The following ANKS1B variants were observed in gnomAD, a reference collection of about 807,000 sequenced individuals.
The protein encoded by ANKS1B is ankyrin repeat and sterile alpha motif domain-containing protein 1B.
In ANKS1B, 36 loss-of-function variants were observed where a neutral mutation model predicts 148.3. That is an observed-to-expected ratio of 0.24 (90% CI 0.19 to 0.32). The LOEUF is 0.32. Among genes scored for constraint, ANKS1B ranks in the 10% least tolerant of loss-of-function variants. The pLI is 1.00. For synonymous variants in ANKS1B, 542 were observed against 560.8 expected (o/e 0.97, Z 0.47); for missense variants, 1,157 against 1,542.6 (o/e 0.75, Z 4.19).
intron 14 of ANKS1B, among the ~76,000 whole-genome samples, chr12:99,175,985 T>G (rs1218756625): frequency 1.3e-5 from 2 of 152,194 alleles, no homozygotes; most frequent in African/African-American, 4.8e-5. Context: ...TAGCTGGGAT[T>G]ACAGGTGCCC....
chr12:99,843,773 G>A (rs1475336440), intron 1 of ANKS1B, among the ~76,000 whole-genome samples: 1 of 152,086 alleles, frequency 6.6e-6, no homozygotes, highest in Non-Finnish European at 1.5e-5. Context: ...TATATACCCA[G>A]TAATAGGATT....
chr12:99,983,349 T>G (rs935165818), intron 1 of ANKS1B, among the ~76,000 whole-genome samples: 3 of 152,000 alleles, frequency 2.0e-5, no homozygotes, highest in Non-Finnish European at 4.4e-5. Flanking sequence ...ACCTTGACAT[T>G]TTTTTTAAAT....
chr12:99,971,520 T>C (rs527866769), intron 1 of ANKS1B, among the ~76,000 whole-genome samples: 1 of 152,220 alleles, frequency 6.6e-6, no homozygotes, highest in Non-Finnish European at 1.5e-5. Flanking sequence ...TTTAGTATAT[T>C]TGTGTAATAC....
chr12:99,231,297 C>A (rs183699424), intron 14 of ANKS1B, among the ~76,000 whole-genome samples: 193 of 152,154 alleles, frequency 1.3e-3, no homozygotes, highest in African/African-American at 4.6e-3. Flanking sequence ...ACTTACACCC[C>A]CTCAGATGGC....
chr12:99,748,455 A>G (rs911540713), intron 8 of ANKS1B, among the ~76,000 whole-genome samples: 1 of 151,952 alleles, frequency 6.6e-6, no homozygotes, highest in African/African-American at 2.4e-5. Flanking sequence ...TCCTCATGGA[A>G]TATCTTTCCA....
intron 1 of ANKS1B, among the ~76,000 whole-genome samples, chr12:99,917,632 C>T (rs2094212194): frequency 6.6e-6 from 1 of 152,208 alleles, no homozygotes; most frequent in Non-Finnish European, 1.5e-5. Flanking sequence ...TTCAAACATG[C>T]TTTTGCCTTT....
intron 19 of ANKS1B, among the ~76,000 whole-genome samples, chr12:98,814,312 C>G: frequency 6.6e-6 from 1 of 152,330 alleles, no homozygotes; most frequent in Non-Finnish European, 1.5e-5. Flanking sequence ...GCTTGGAACA[C>G]AGAAGGAACA....
chr12:99,876,143 C>T (rs1268522962), intron 1 of ANKS1B, among the ~76,000 whole-genome samples: 5 of 152,164 alleles, frequency 3.3e-5, no homozygotes, highest in Non-Finnish European at 5.9e-5. Context: ...TCCATTCCTT[C>T]ATTCAACTTT....
At chr12:98,848,991 G>C (rs567401648) in intron 17 of ANKS1B, among the ~76,000 whole-genome samples, 1 of 151,696 alleles carries the variant, frequency 6.6e-6, no homozygotes, top group Non-Finnish European at 1.5e-5. Flanking sequence ...TGCTCACCTC[G>C]GCCTCCCCAA....
At chr12:98,764,801 G>A (rs1037189087) in intron 25 of ANKS1B, among the ~76,000 whole-genome samples, 1 of 152,252 alleles carries the variant, frequency 6.6e-6, no homozygotes. Context: ...TCCAACCTGC[G>A]CGTCCCTCCT....
chr12:98,918,598 A>G (rs2099797459), intron 17 of ANKS1B, among the ~76,000 whole-genome samples: 2 of 152,140 alleles, frequency 1.3e-5, no homozygotes. Context: ...TCTCTAATAT[A>G]TTCTTGGATT....
intron 25 of ANKS1B, among the ~76,000 whole-genome samples, chr12:98,765,002 T>C (rs1286815754): frequency 1.3e-5 from 2 of 152,234 alleles, no homozygotes; most frequent in African/African-American, 4.8e-5. Flanking sequence ...ATCTGACTTT[T>C]TTCCTCAGAT....
chr12:99,239,323 G>A (rs2088738051), intron 14 of ANKS1B, among the ~76,000 whole-genome samples: 1 of 152,062 alleles, frequency 6.6e-6, no homozygotes, highest in Admixed American at 6.6e-5. Flanking sequence ...TAACAGTGAT[G>A]GAAGATCAAA....
At chr12:99,309,283 G>T (rs2082812370) in intron 12 of ANKS1B, among the ~76,000 whole-genome samples, 1 of 151,758 alleles carries the variant, frequency 6.6e-6, no homozygotes, top group South Asian at 2.1e-4. Flanking sequence ...TTTATTGTTT[G>T]CTAATTTGGT....
intron 9 of ANKS1B, chr12:99,649,812 T>C (rs1441046974): frequency 6.6e-6 from 1 of 151,710 alleles, no homozygotes; most frequent in African/African-American, 2.7e-5. Context: ...ACAGTATCTC[T>C]CTGCTACTCA....
intron 1 of ANKS1B, among the ~76,000 whole-genome samples, chr12:99,833,318 G>A (rs560298635): frequency 1.3e-5 from 2 of 152,310 alleles, no homozygotes; most frequent in South Asian, 4.1e-4. Context: ...CAGTGTTTTA[G>A]AATAAGAGCT....
intron 12 of ANKS1B, among the ~76,000 whole-genome samples, chr12:99,386,501 C>T (rs1345570851): frequency 6.6e-6 from 1 of 151,964 alleles, no homozygotes; most frequent in Non-Finnish European, 1.5e-5. Context: ...AAAAAAAAAG[C>T]CATGCTATGC....
At chr12:98,971,694 C>G (rs1049933203) in intron 17 of ANKS1B, among the ~76,000 whole-genome samples, 1 of 152,104 alleles carries the variant, frequency 6.6e-6, no homozygotes, top group Non-Finnish European at 1.5e-5. Context: ...TAGAGGGCTC[C>G]CATTCTGCTA....
chr12:99,875,560 T>A (rs1244970857), intron 1 of ANKS1B, among the ~76,000 whole-genome samples: 2 of 151,440 alleles, frequency 1.3e-5, no homozygotes, highest in African/African-American at 4.9e-5. Context: ...ATGAAAGGAG[T>A]GGAATAGCAC....
Sources: gnomAD v4.1 joint callset for allele counts (sites outside exome capture counted in the v4.1 genomes callset) on GRCh38, gnomAD v4.1.1 for gene constraint, MANE v1.5 for transcripts, NCBI Gene and HGNC (gene_info 2026-07-23, HGNC 2026-07-21) for gene names.